Variants in EDA observed in about 807,000 individuals in gnomAD.
The protein encoded by EDA is ectodysplasin A.
EDA carries 2 observed loss-of-function variants against 23.6 expected under a neutral mutation model. The ratio of observed to expected loss-of-function variants is 0.08; its 90% CI spans 0.03 to 0.27. The LOEUF is 0.27. EDA is among the 10% of genes least tolerant of loss of function. The pLI is 1.00. For missense variants in EDA, 229 were observed against 324.2 expected (o/e 0.71, Z 2.26); for synonymous variants, 131 against 132.0 (o/e 0.99, Z 0.05).
intron 1 of EDA, among the ~76,000 whole-genome samples, chrX:69,774,927 G>C (rs1249484447): frequency 9.0e-6 from 1 of 110,987 alleles, no homozygotes; most frequent in Non-Finnish European, 1.9e-5. Context: ...AGAATGTCTT[G>C]TAGAATGGCA....
chrX:69,795,649 AAGAGGCAAGGCCACTGGGGCTT>A (rs1329534968), intron 1 of EDA, among the ~76,000 whole-genome samples: 1 of 113,149 alleles, frequency 8.8e-6, no homozygotes, highest in Non-Finnish European at 1.9e-5. Context: ...CATCAGGGCT[AAGAGGCAAGGCCACTGGGGCTT>A]AGGTGCAAGC....
chrX:69,739,225 C>G lies in EDA; in HGVS notation c.396+122521C>G, dbSNP rs757128670. 5.4e-5 allele frequency among the ~76,000 whole-genome samples: 6 copies of G among 111,217 alleles called. No individual in the cohort carries two copies. In the East Asian group the frequency reaches 1.7e-3, roughly 31 times the overall value. On this transcript the variant is annotated intron_variant, in intron 1 of 7. Coordinates refer to ENST00000374552, the MANE Select transcript of EDA (RefSeq NM_001399.5). ...CTTCCTAATGGGTTGATCATTATATCACTACATAATATCCCTGTTTATCTT... is the reference window on the plus strand; with the variant it reads ...CTTCCTAATGGGTTGATCATTATATGACTACATAATATCCCTGTTTATCTT...
intron 1 of EDA, among the ~76,000 whole-genome samples, chrX:69,901,798 C>A (rs928872372): frequency 9.0e-6 from 1 of 111,505 alleles, no homozygotes; most frequent in African/African-American, 3.3e-5. Context: ...TGCGTAGGAT[C>A]CCAGTGGAAA....
At chrX:69,732,669 C>T (rs1322239496) in intron 1 of EDA, among the ~76,000 whole-genome samples, 2 of 111,807 alleles carry the variant, frequency 1.8e-5, no homozygotes, top group Non-Finnish European at 3.8e-5. Context: ...CTTGAGGAAT[C>T]GCCACACTGT....
At chrX:69,834,343 C>T (rs769256081) in intron 1 of EDA, among the ~76,000 whole-genome samples, 1 of 110,751 alleles carries the variant, frequency 9.0e-6, no homozygotes, top group Non-Finnish European at 1.9e-5. Flanking sequence ...GAGTCCAAGT[C>T]TCTTTTTAGG....
intron 1 of EDA, among the ~76,000 whole-genome samples, chrX:69,851,132 AC>A (rs1220248026): frequency 9.8e-6 from 1 of 102,429 alleles, no homozygotes; most frequent in Non-Finnish European, 2.0e-5. Context: ...TTACACCAAA[AC>A]GTCACAAAAT....
chrX:69,981,652 C>T (rs1203983072), intron 2 of EDA, among the ~76,000 whole-genome samples: 1 of 111,993 alleles, frequency 8.9e-6, no homozygotes, highest in Non-Finnish European at 1.9e-5. Context: ...CAGTCACGTT[C>T]TCTAGAAGCT....
intron 1 of EDA, among the ~76,000 whole-genome samples, chrX:69,851,540 A>T (rs2017134969): frequency 8.9e-6 from 1 of 112,461 alleles, no homozygotes; most frequent in South Asian, 3.7e-4. Flanking sequence ...GATTAGATTT[A>T]AAACCACTGT....
chrX:69,668,860 C>T (rs1602271029), intron 1 of EDA, among the ~76,000 whole-genome samples: 1 of 111,145 alleles, frequency 9.0e-6, no homozygotes, highest in Admixed American at 9.5e-5. Flanking sequence ...AGCCACCACG[C>T]CCAGCCTGAA....
chrX:69,719,952 GT>G (rs1318318783), intron 1 of EDA, among the ~76,000 whole-genome samples: 1 of 110,327 alleles, frequency 9.1e-6, no homozygotes, highest in Admixed American at 9.6e-5. Flanking sequence ...GTTTCACCAT[GT>G]TGGTTAGGCT....
intron 1 of EDA, among the ~76,000 whole-genome samples, chrX:69,839,850 A>G (rs1220612665): frequency 8.9e-6 from 1 of 112,448 alleles, no homozygotes; most frequent in Non-Finnish European, 1.9e-5. Flanking sequence ...AAACGATTTC[A>G]GAGTTATAAC....
chrX:69,837,524 A>C (rs777530227), intron 1 of EDA, among the ~76,000 whole-genome samples: 1 of 112,562 alleles, frequency 8.9e-6, no homozygotes, highest in East Asian at 2.8e-4. Flanking sequence ...TAATTGTTGC[A>C]TATGATTTTT....
chrX:69,775,458 C>A (rs2014752936), intron 1 of EDA, among the ~76,000 whole-genome samples: 1 of 111,694 alleles, frequency 9.0e-6, no homozygotes, highest in Non-Finnish European at 1.9e-5. Context: ...AATGGTGTGA[C>A]TGAGGAGAAT....
chrX:70,012,698 A>G (rs2019893006), intron 2 of EDA, among the ~76,000 whole-genome samples: 1 of 112,621 alleles, frequency 8.9e-6, no homozygotes, highest in African/African-American at 3.2e-5. Flanking sequence ...CTATGACCCA[A>G]ACTATAGTGG....
intron 1 of EDA, among the ~76,000 whole-genome samples, chrX:69,682,007 A>C (rs1376846633): frequency 1.4e-4 from 15 of 108,981 alleles, no homozygotes; most frequent in South Asian, 4.0e-4. Flanking sequence ...TTTGGTGTGG[A>C]TGTCCTTTCT....
chrX:69,628,054 C>A (rs904609808), intron 1 of EDA, among the ~76,000 whole-genome samples: 4 of 111,537 alleles, frequency 3.6e-5, no homozygotes, highest in Admixed American at 1.9e-4. Flanking sequence ...TTTTTATTGG[C>A]GTGATGGCAT....
At chrX:69,723,098 A>C (rs1485494649) in intron 1 of EDA, among the ~76,000 whole-genome samples, 1 of 112,105 alleles carries the variant, frequency 8.9e-6, no homozygotes, top group Non-Finnish European at 1.9e-5. Flanking sequence ...TAAAGTTCTC[A>C]AGGAAGAAGG....
chrX:69,694,168 C>T (rs1196113114), intron 1 of EDA, among the ~76,000 whole-genome samples: 1 of 111,937 alleles, frequency 8.9e-6, no homozygotes, highest in African/African-American at 3.2e-5. Flanking sequence ...TTGAGAAAGA[C>T]CAGGTGGCCA....
At chrX:69,724,163 G>C (rs753671016) in intron 1 of EDA, among the ~76,000 whole-genome samples, 1 of 111,691 alleles carries the variant, frequency 9.0e-6, no homozygotes, top group Non-Finnish European at 1.9e-5. Flanking sequence ...ACTAGGTTTG[G>C]TTTGTTTATA....
Sources: gnomAD v4.1 joint callset for allele counts (sites outside exome capture counted in the v4.1 genomes callset) on GRCh38, gnomAD v4.1.1 for gene constraint, MANE v1.5 for transcripts, NCBI Gene and HGNC (gene_info 2026-07-23, HGNC 2026-07-21) for gene names.